The following INO80D variants were observed in gnomAD, a reference collection of about 807,000 sequenced individuals.
INO80D encodes the protein INO80 complex subunit D.
A neutral mutation model predicts 87.6 loss-of-function variants in INO80D; 21 were observed. That is an observed-to-expected ratio of 0.24 (90% CI 0.17 to 0.35). INO80D has a LOEUF of 0.35. Among genes scored for constraint, INO80D ranks in the 10% least tolerant of loss-of-function variants. The pLI is 1.00. For missense variants in INO80D, 982 were observed against 1,280.7 expected (o/e 0.77, Z 3.56); for synonymous variants, 440 against 491.0 (o/e 0.90, Z 1.37).
At chr2:206,013,468 C>T (rs1484230046) in intron 8 of INO80D, among the ~76,000 whole-genome samples, 1 of 151,136 alleles carries the variant, frequency 6.6e-6, no homozygotes, top group Non-Finnish European at 1.5e-5. Flanking sequence ...AGAAGAATGG[C>T]GTGAACCCGG....
intron 5 of INO80D, among the ~76,000 whole-genome samples, chr2:206,035,947 T>C (rs539203888): frequency 3.3e-4 from 50 of 151,896 alleles, no homozygotes; most frequent in Non-Finnish European, 6.9e-4. Context: ...CAAAAGAAGA[T>C]AAACAAATGG....
In INO80D at chr2:205,994,513, GT is replaced by G. The variant is rs1687772452; in HGVS notation, c.*9854del. Reference sequence around the variant, plus strand: ...CAACTTACACTTCAGTACTCTAGTTGTTAGTACCATACAATTGCCAAGAGGC... The same window carrying G: ...CAACTTACACTTCAGTACTCTAGTTGTAGTACCATACAATTGCCAAGAGGC... On this transcript the variant is annotated 3_prime_UTR_variant, in exon 11 of 11. Coordinates refer to ENST00000403263, the MANE Select transcript of INO80D (RefSeq NM_017759.5). 6.6e-6 allele frequency: 1 copy of G among 152,160 alleles called. No homozygotes were observed. The highest frequency in any genetic ancestry group is 1.5e-5 in the Non-Finnish European group (1 of 68,046). 9.4% of individuals were successfully genotyped at this position (152,160 alleles called of 1,614,324 possible).
At chr2:206,015,927 A>G (rs958630551) in intron 8 of INO80D, among the ~76,000 whole-genome samples, 2 of 152,150 alleles carry the variant, frequency 1.3e-5, no homozygotes, top group Non-Finnish European at 2.9e-5. Flanking sequence ...ATGCCCAGGC[A>G]GAAGTTTGCT....
At chr2:206,074,757 T>C (rs1166131328) in intron 1 of INO80D, among the ~76,000 whole-genome samples, 2 of 152,048 alleles carry the variant, frequency 1.3e-5, no homozygotes, top group African/African-American at 2.4e-5. Context: ...CTGACCAACA[T>C]GGAGAAACCC....
intron 4 of INO80D, 112 bp downstream of exon 4, chr2:206,056,086 A>G (rs1689509092): frequency 9.5e-7 from 1 of 1,055,270 alleles, no homozygotes; most frequent in South Asian, 1.6e-5. Context: ...ACTCTGCCTC[A>G]TTGTGATTCC....
In INO80D at chr2:206,056,685, G is replaced by A. The variant is rs1230996537; in HGVS notation, c.477C>T (p.Asp159=). 6.2e-7 allele frequency: 1 copy of A among 1,613,516 alleles called. No homozygotes were observed. The highest frequency in any genetic ancestry group is 2.2e-5 in the East Asian group (1 of 44,870). The change falls in exon 4 of 11, where the codon GAC becomes GAT. Residue 159 remains aspartate (D), a synonymous_variant. Coordinates refer to ENST00000403263, the MANE Select transcript of INO80D (RefSeq NM_017759.5). ...DPFAFNEEDD[D]LKKGATVRKK... ...TTCTCACAGTTGCCCCTTTCTTTAGGTCATCATCTTCCTCATTGAAAGCAA... is the reference window on the plus strand; with the variant it reads ...TTCTCACAGTTGCCCCTTTCTTTAGATCATCATCTTCCTCATTGAAAGCAA...
In INO80D at chr2:206,071,090, C is replaced by A. The variant is rs562921535; in HGVS notation, c.-123-7846G>T. Among the ~76,000 whole-genome samples the A allele has an allele frequency of 4.6e-5, 7 of 151,614 alleles. No individual in the cohort carries two copies. The South Asian group carries it at 1.5e-3, about 32-fold the overall frequency. On this transcript the variant is annotated intron_variant, in intron 1 of 10. Coordinates refer to ENST00000403263, the MANE Select transcript of INO80D (RefSeq NM_017759.5). Reference sequence around the variant, plus strand: ...TCTCCTGTCTCAGCCTCCTGAGTAGCGGGGATTACAGGTGCATGCCACCAT... The same window carrying A: ...TCTCCTGTCTCAGCCTCCTGAGTAGAGGGGATTACAGGTGCATGCCACCAT...
At chr2:206,043,935 T>A (rs1395298870) in intron 5 of INO80D, among the ~76,000 whole-genome samples, 1 of 152,198 alleles carries the variant, frequency 6.6e-6, no homozygotes, top group Non-Finnish European at 1.5e-5. Context: ...CTCATGCCTA[T>A]AATCCTGACA....
At chr2:206,042,730 A>G (rs1689085762) in intron 5 of INO80D, among the ~76,000 whole-genome samples, 1 of 151,902 alleles carries the variant, frequency 6.6e-6, no homozygotes, top group Non-Finnish European at 1.5e-5. Flanking sequence ...CACGCCTGTA[A>G]TCCCAATACT....
rs1687938691 is a variant in INO80D, at chr2:206,003,365, A to T, written c.*1003T>A. The T allele has an allele frequency of 6.6e-6, 1 of 152,238 alleles. No homozygotes were observed. Among genetic ancestry groups the T allele is most frequent in the African/African-American group, 2.4e-5 (1 of 41,462 alleles). The allele number at this position is 152,238 out of a possible 1,614,324, so 9.4% of individuals were successfully genotyped here. ...TCTATCTGACCTATCCTGCTTTTTC[A>T]CATCAAAATATTTTCTTTAATTACA... On this transcript the variant is annotated 3_prime_UTR_variant, in exon 11 of 11. Transcript: ENST00000403263.
At chr2:206,014,005 CA>C (rs1278664410) in intron 8 of INO80D, among the ~76,000 whole-genome samples, 1 of 151,380 alleles carries the variant, frequency 6.6e-6, no homozygotes, top group Non-Finnish European at 1.5e-5. Flanking sequence ...CTAAAAAAAA[CA>C]AAAATTAGGC....
chr2:206,040,946 C>G (rs1689031017), intron 5 of INO80D: 1 of 153,734 alleles, frequency 6.5e-6, no homozygotes, highest in African/African-American at 2.4e-5. Context: ...AAAGCAGACA[C>G]TGTCAGAGTA....
rs60979396 is a variant in INO80D at position 206,071,257 on chromosome 2, CTTTTTTTTTTTTTTTTTTTTTTTTTTTTT to C, written c.-123-8042_-123-8014del. 7.3e-5 allele frequency among the ~76,000 whole-genome samples: 6 copies of C among 81,978 alleles called. 1 individual carries two copies. The highest frequency in any genetic ancestry group is 1.8e-4 in the Admixed American group (1 of 5,668). The allele number at this position is 81,978 out of a possible 152,430, so 53.8% of individuals were successfully genotyped here. On this transcript the variant is annotated intron_variant, in intron 1 of 10. Transcript: ENST00000403263. ...TACAGGCATAAGCACCACGCCCGGCCTTTTTTTTTTTTTTTTTTTTTTTTTTTTTTTTTTTTTTTTTTTTTTTTTTTTTT... is the reference window on the plus strand; with the variant it reads ...TACAGGCATAAGCACCACGCCCGGCCTTTTTTTTTTTTTTTTTTTTTTTTT...
chr2:206,059,964 G>A (rs1689642366), intron 3 of INO80D, among the ~76,000 whole-genome samples: 1 of 152,182 alleles, frequency 6.6e-6, no homozygotes, highest in Non-Finnish European at 1.5e-5. Flanking sequence ...AACACTTTGG[G>A]AGGCCAAGGC....
At position 205,996,548 on chromosome 2, in the gene INO80D, CATT is replaced by C. The variant is rs1056012730; in HGVS notation, c.*7817_*7819del. ...AGAATAATCCAGAACTTTCCATAGA[CATT>C]AATCTTGCTTAACAAAGGCTGTTTA... On this transcript the variant is annotated 3_prime_UTR_variant, in exon 11 of 11. Coordinates refer to ENST00000403263, the MANE Select transcript of INO80D (RefSeq NM_017759.5). The C allele has an allele frequency of 1.3e-5, 2 of 151,992 alleles. No homozygotes were observed. Among genetic ancestry groups the C allele is most frequent in the African/African-American group, 4.8e-5 (2 of 41,398 alleles). The allele number at this position is 151,992 out of a possible 1,614,324, so 9.4% of individuals were successfully genotyped here. A position where few individuals can be genotyped will look rare whatever the true frequency, so the allele number is the denominator to read the frequency against.
intron 1 of INO80D, among the ~76,000 whole-genome samples, chr2:206,064,103 G>A (rs1689754375): frequency 6.6e-6 from 1 of 152,142 alleles, no homozygotes; most frequent in Non-Finnish European, 1.5e-5. Context: ...CCAAAGACTA[G>A]TCAGCTGACC....
rs1687954936 is a variant in INO80D at position 206,004,047 on chromosome 2, G to C, written c.*321C>G. 5 of 367,364 alleles carry C rather than the reference G, an allele frequency of 1.4e-5. No individual in the cohort carries two copies. In the Admixed American group the frequency reaches 2.0e-4, roughly 15 times the overall value. The allele number at this position is 367,364 out of a possible 1,614,324, so 22.8% of individuals were successfully genotyped here. ...GATCTGAATACTAGGAAATAGTAAA[G>C]GGCACTGGTATTCTGAGGTATCTTC... On this transcript the variant is annotated 3_prime_UTR_variant, in exon 11 of 11. Coordinates refer to ENST00000403263, the MANE Select transcript of INO80D (RefSeq NM_017759.5). The surrounding 1 kb of genome is among the most constrained non-coding windows in gnomAD (Gnocchi z 4.9).
At chr2:206,010,819 C>T (rs1225993428) in intron 8 of INO80D, among the ~76,000 whole-genome samples, 1 of 152,158 alleles carries the variant, frequency 6.6e-6, no homozygotes, top group Non-Finnish European at 1.5e-5. Flanking sequence ...TGGCTCACAC[C>T]TGTAATCCCA....
chr2:206,049,211 G>A (rs1401302003), intron 4 of INO80D, among the ~76,000 whole-genome samples: 1 of 152,176 alleles, frequency 6.6e-6, no homozygotes, highest in Non-Finnish European at 1.5e-5. Context: ...AATTATGAAT[G>A]CTTAAGATTA....
Sources: allele counts gnomAD v4.1 joint callset (sites outside exome capture counted in the v4.1 genomes callset), GRCh38; gene constraint gnomAD v4.1.1; non-coding constraint Gnocchi (gnomAD v3.1); transcripts MANE v1.5; gene names NCBI Gene and HGNC (gene_info 2026-07-23, HGNC 2026-07-21).